The following C1orf115 variants were observed in gnomAD, a reference collection of about 807,000 sequenced individuals.
C1orf115 encodes the protein required for drug-induced death protein 1.
In C1orf115, 14 loss-of-function variants were observed where a neutral mutation model predicts 12.5. The ratio of observed to expected loss-of-function variants is 1.12; its 90% CI spans 0.74 to 1.75. The LOEUF is 1.75. Ranked by LOEUF, C1orf115 falls within the 40% of genes most tolerant of loss-of-function variation. The pLI is 0.00. For synonymous variants in C1orf115, 109 were observed against 104.6 expected (o/e 1.04, Z -0.26); for missense variants, 237 against 220.8 (o/e 1.07, Z -0.46).
intron 1 of C1orf115, among the ~76,000 whole-genome samples, chr1:220,694,692 G>C (rs1387606701): frequency 6.6e-6 from 1 of 152,226 alleles, no homozygotes; most frequent in African/African-American, 2.4e-5. Flanking sequence ...AGGGCTACAA[G>C]GGAGAGTGCA....
rs337155 is a variant in C1orf115, at chr1:220,696,553, C to T, written c.310-59C>T. 1,219 of 1,473,048 alleles carry T rather than the reference C, an allele frequency of 8.3e-4. 9 individuals are homozygous for T. In the African/African-American group the frequency reaches 0.015, roughly 18 times the overall value. 91.2% of individuals were successfully genotyped at this position (1,473,048 alleles called of 1,614,324 possible). On this transcript the variant is annotated intron_variant, in intron 1 of 1. Transcript: ENST00000294889. ...ACTCATTTTTTTTCATGAAAGATGG[C>T]AGAATTAAAAAGTTGCCTACCCTAA...
Position 220,690,462 on chromosome 1 carries a change from C to G in C1orf115, c.60C>G (p.Pro20=). 1 of 1,446,964 alleles carries G rather than the reference C, an allele frequency of 6.9e-7. No individual in the cohort carries two copies. The highest frequency in any genetic ancestry group is 9.0e-7 in the Non-Finnish European group (1 of 1,106,724). The allele number at this position is 1,446,964 out of a possible 1,614,324, so 89.6% of individuals were successfully genotyped here. A position where few individuals can be genotyped will look rare whatever the true frequency, so the allele number is the denominator to read the frequency against. The change falls in exon 1 of 2, where the codon CCC becomes CCG. Residue 20 remains proline, a synonymous_variant. Coordinates refer to ENST00000294889, the MANE Select transcript of C1orf115 (RefSeq NM_024709.5). ...AGAGCAGCCTCCTGCGCCGCGGGCCCCGAGGGCGAGGGCGAACCGAGGGGG... is the reference window on the plus strand; with the variant it reads ...AGAGCAGCCTCCTGCGCCGCGGGCCGCGAGGGCGAGGGCGAACCGAGGGGG... ...KAESSLLRRG[P]RGRGRTEGDE...
chr1:220,690,751 GT>G (rs1670089866), intron 1 of C1orf115, 40 bp downstream of exon 1: 1 of 1,545,730 alleles, frequency 6.5e-7, no homozygotes, highest in African/African-American at 1.4e-5. Flanking sequence ...GGGCGCGGGT[GT>G]GGTGTCCCGC....
At chr1:220,693,603 G>A (rs1670144725) in intron 1 of C1orf115, among the ~76,000 whole-genome samples, 1 of 152,184 alleles carries the variant, frequency 6.6e-6, no homozygotes, top group African/African-American at 2.4e-5. Context: ...ACAGGGTAAT[G>A]TCCAGGAAAG....
At chr1:220,695,129 G>T (rs1390013425) in intron 1 of C1orf115, among the ~76,000 whole-genome samples, 1 of 152,192 alleles carries the variant, frequency 6.6e-6, no homozygotes, top group Non-Finnish European at 1.5e-5. Flanking sequence ...ATGGGTTGGG[G>T]TAGGAGCCGG....
In C1orf115 at chr1:220,690,568, G is replaced by T; in HGVS notation, c.166G>T (p.Ala56Ser). The T allele has an allele frequency of 6.7e-7, 1 of 1,485,490 alleles. No individual in the cohort carries two copies. Among genetic ancestry groups the T allele is most frequent in the East Asian group, 2.8e-5 (1 of 35,390 alleles). The allele number at this position is 1,485,490 out of a possible 1,614,324, so 92.0% of individuals were successfully genotyped here. A position where few individuals can be genotyped will look rare whatever the true frequency, so the allele number is the denominator to read the frequency against. The stretch of plus-strand genomic sequence containing the variant: ...GGCGGCCGAGAGCGGGACGAGCGCG[G>T]CGGACGAGCGGGGCCCGGGGACCCG... ...EAAAESGTSA[A>S]DERGPGTRGA... The change falls in exon 1 of 2, where the codon GCG becomes TCG. Residue 56 changes from alanine (A) to serine (S), a missense_variant. Transcript: ENST00000294889.
At chr1:220,692,031 AC>A (rs1261624265) in intron 1 of C1orf115, among the ~76,000 whole-genome samples, 1 of 152,204 alleles carries the variant, frequency 6.6e-6, no homozygotes, top group Non-Finnish European at 1.5e-5. Context: ...AAAACTGGGC[AC>A]AGAAGGATGA....
At chr1:220,691,917 G>A (rs538986811) in intron 1 of C1orf115, among the ~76,000 whole-genome samples, 5 of 152,322 alleles carry the variant, frequency 3.3e-5, no homozygotes, top group African/African-American at 1.2e-4. Flanking sequence ...GACATAGCTG[G>A]CTCCCCCCGC....
intron 1 of C1orf115, among the ~76,000 whole-genome samples, chr1:220,692,981 G>C (rs995245196): frequency 2.0e-5 from 3 of 152,124 alleles, no homozygotes; most frequent in Non-Finnish European, 4.4e-5. Context: ...GTCAGGTTAG[G>C]GTTGGATCTC....
chr1:220,690,670 C>A lies in C1orf115; in HGVS notation c.268C>A (p.Pro90Thr). 6.3e-7 allele frequency: 1 copy of A among 1,596,268 alleles called. No homozygotes were observed. Among genetic ancestry groups the A allele is most frequent in the East Asian group, 2.3e-5 (1 of 43,554 alleles). ...GGAGGAGCCGGCGCCGAGCGAGCAG[C>A]CCAGGAAGAGGTACCGGAGGAAGCT... The part of the protein sequence containing the change: ...PLEEPAPSEQ[P>T]RKRYRRKLKK... Residue 90 changes from proline (P) to threonine (T), a missense_variant, in exon 1 of 2, where the codon CCC becomes ACC. By Grantham distance (38) the Pro-to-Thr change is conservative. Transcript: ENST00000294889.
Position 220,690,376 on chromosome 1 carries a change from G to A in C1orf115, c.-27G>A. ...CCAAAGGTTGGTGTCTTTGCGCTCG[G>A]ACCTTCGCCAGAGGGGCCGGGACAT... On this transcript the variant is annotated 5_prime_UTR_variant, in exon 1 of 2. Coordinates refer to ENST00000294889, the MANE Select transcript of C1orf115 (RefSeq NM_024709.5). 1 of 1,383,304 alleles carries A rather than the reference G, an allele frequency of 7.2e-7. No individual in the cohort carries two copies. Among genetic ancestry groups the A allele is most frequent in the Non-Finnish European group, 9.3e-7 (1 of 1,075,832 alleles). 85.7% of individuals were successfully genotyped at this position (1,383,304 alleles called of 1,614,324 possible).
At chr1:220,691,128 C>T (rs1670099704) in intron 1 of C1orf115, among the ~76,000 whole-genome samples, 1 of 152,172 alleles carries the variant, frequency 6.6e-6, no homozygotes, top group African/African-American at 2.4e-5. Context: ...AACATCCCCT[C>T]CAGGATATCC....
intron 1 of C1orf115, among the ~76,000 whole-genome samples, chr1:220,691,515 A>G (rs556156259): frequency 6.6e-5 from 10 of 152,134 alleles, no homozygotes; most frequent in South Asian, 2.1e-4. Flanking sequence ...TTTATTGTCT[A>G]TTTATCTGTG....
chr1:220,696,479 A>G (rs1355616285), intron 1 of C1orf115, 133 bp from the exon 2 acceptor site: 133 of 1,114,826 alleles, frequency 1.2e-4, no homozygotes, highest in South Asian at 2.1e-5. Context: ...TAACTTGCTG[A>G]TTTGTCACAA....
At chr1:220,695,648 A>G (rs936677058) in intron 1 of C1orf115, among the ~76,000 whole-genome samples, 6 of 151,954 alleles carry the variant, frequency 3.9e-5, no homozygotes, top group Admixed American at 2.6e-4. Context: ...AATTCATCCT[A>G]CTGGACAGAT....
chr1:220,691,162 T>A (rs1670101658), intron 1 of C1orf115, among the ~76,000 whole-genome samples: 1 of 152,176 alleles, frequency 6.6e-6, no homozygotes, highest in Non-Finnish European at 1.5e-5. Flanking sequence ...ATGTTTGGGT[T>A]ACTCTCCCAA....
Position 220,690,835 on chromosome 1 carries a change from C to T in C1orf115, c.309+124C>T. On this transcript the variant is annotated intron_variant, in intron 1 of 1. Transcript: ENST00000294889. Reference sequence around the variant, plus strand: ...GGGCTGCACCTGCGACCCCTCCGCCCCCGCTCCCATTCCCTCGCCGGAGGG... The same window carrying T: ...GGGCTGCACCTGCGACCCCTCCGCCTCCGCTCCCATTCCCTCGCCGGAGGG... 1.1e-5 allele frequency: 13 copies of T among 1,163,854 alleles called. No individual in the cohort carries two copies. In the South Asian group the frequency reaches 2.0e-4, roughly 17 times the overall value. 72.1% of individuals were successfully genotyped at this position (1,163,854 alleles called of 1,614,324 possible). A position where few individuals can be genotyped will look rare whatever the true frequency, so the allele number is the denominator to read the frequency against.
chr1:220,690,638 A>G lies in C1orf115; in HGVS notation c.236A>G (p.Glu79Gly). Residue 79 changes from glutamate to glycine, a missense_variant, in exon 1 of 2, where the codon GAG (glutamate) becomes GGG (glycine). Physicochemically the swap from Glu to Gly is moderately conservative, Grantham distance 98. Transcript: ENST00000294889. Reference sequence around the variant, plus strand: ...TTCGCCCTCCTGCCCGAGCGCTACGAGCCACTGGAGGAGCCGGCGCCGAGC... The same window carrying G: ...TTCGCCCTCCTGCCCGAGCGCTACGGGCCACTGGAGGAGCCGGCGCCGAGC... ...VHFALLPERY[E>G]PLEEPAPSEQ... 1.3e-6 allele frequency: 2 copies of G among 1,580,566 alleles called. No individual in the cohort carries two copies. The highest frequency in any genetic ancestry group is 2.8e-5 in the African/African-American group (2 of 72,678).
chr1:220,695,494 G>GTTTTTTTTTTTTTTTTTTTTTTTTTTT (rs10602094), intron 1 of C1orf115, among the ~76,000 whole-genome samples: 1 of 116,390 alleles, frequency 8.6e-6, no homozygotes, highest in African/African-American at 3.4e-5. Context: ...CGATGTCTGG[G>GTTTTTTTTTTTTTTTTTTTTTTTTTTT]TTTTTTTTTT....
Sources: gnomAD v4.1 joint callset for allele counts (sites outside exome capture counted in the v4.1 genomes callset) on GRCh38, gnomAD v4.1.1 for gene constraint, MANE v1.5 for transcripts, NCBI Gene and HGNC (gene_info 2026-07-23, HGNC 2026-07-21) for gene names.